The following DOCK1 variants were observed in gnomAD, a reference collection of about 807,000 sequenced individuals.
DOCK1 encodes dedicator of cytokinesis protein 1.
A neutral mutation model predicts 262.7 loss-of-function variants in DOCK1; 138 were observed. That is an observed-to-expected ratio of 0.53 (90% CI 0.46 to 0.61). The LOEUF (loss-of-function observed/expected upper bound fraction) is 0.61. Ranked by LOEUF, DOCK1 falls within the 20% of genes least tolerant of loss-of-function variation. DOCK1 has a pLI of 0.00. For synonymous variants in DOCK1, 866 were observed against 867.4 expected, an observed-to-expected ratio of 1.00 and a Z score of 0.03; for missense variants, 1,908 against 2,370.7, an observed-to-expected ratio of 0.80 and a Z score of 4.05.
chr10:127,242,052 C>T (rs367905662), intron 27 of DOCK1, among the ~76,000 whole-genome samples: 2 of 152,190 alleles, frequency 1.3e-5, no homozygotes, highest in Non-Finnish European at 2.9e-5. Context: ...AATGTCACCA[C>T]GTTCTTGCCT....
At position 126,973,022 on chromosome 10, in the gene DOCK1, C is replaced by T. The variant is rs542795522; in HGVS notation, c.130+2237C>T. Among the ~76,000 whole-genome samples, 5 of 151,872 alleles carry T rather than the reference C, an allele frequency of 3.3e-5. 1 individual carries two copies. Among genetic ancestry groups the T allele is most frequent in the African/African-American group, 1.2e-4 (5 of 41,404 alleles). Reference sequence around the variant, plus strand: ...ATTAAGTAGAGGTTAAGGATCAAACCGCTCATCTCAGACACTTTTCTGATT... The same window carrying T: ...ATTAAGTAGAGGTTAAGGATCAAACTGCTCATCTCAGACACTTTTCTGATT... On this transcript the variant is annotated intron_variant, in intron 2 of 51. Transcript: ENST00000623213.
At chr10:126,945,957 T>G (rs1829544803) in intron 1 of DOCK1, among the ~76,000 whole-genome samples, 1 of 152,202 alleles carries the variant, frequency 6.6e-6, no homozygotes, top group African/African-American at 2.4e-5. Context: ...CGGCATTCAC[T>G]TGCTGATGAA....
At chr10:126,949,191 A>T (rs2035944478) in intron 1 of DOCK1, among the ~76,000 whole-genome samples, 1 of 151,974 alleles carries the variant, frequency 6.6e-6, no homozygotes, top group Non-Finnish European at 1.5e-5. Flanking sequence ...GAAGGTGTTT[A>T]TTGAAGGTGA....
rs1388633989 is a variant in DOCK1, at chr10:126,995,156, C to T, written c.474-1592C>T. Among the ~76,000 whole-genome samples the T allele has an allele frequency of 1.3e-5, 2 of 151,238 alleles. No homozygotes were observed. Among genetic ancestry groups the T allele is most frequent in the Non-Finnish European group, 1.5e-5 (1 of 67,820 alleles). On this transcript the variant is annotated intron_variant, in intron 6 of 51. Coordinates refer to ENST00000623213, the MANE Select transcript of DOCK1 (RefSeq NM_001290223.2). The surrounding 1 kb of genome is among the most constrained non-coding windows in gnomAD (Gnocchi z 5.8). ...GGCAGAGACGCTCCTCACTTCTAGA[C>T]GGGATGACGGCCGGGAAGAGGCGCT...
intron 27 of DOCK1, among the ~76,000 whole-genome samples, chr10:127,207,094 T>A (rs1395445765): frequency 2.0e-5 from 3 of 152,176 alleles, no homozygotes; most frequent in African/African-American, 7.2e-5. Context: ...CAGAAGAAAC[T>A]GAACCTTTAT....
At chr10:127,120,381 T>G (rs2049480408) in intron 25 of DOCK1, among the ~76,000 whole-genome samples, 1 of 152,246 alleles carries the variant, frequency 6.6e-6, no homozygotes, top group African/African-American at 2.4e-5. Flanking sequence ...GAGCCGTGTA[T>G]GTAATTAAAA....
intron 27 of DOCK1, among the ~76,000 whole-genome samples, chr10:127,188,109 C>A (rs2056445699): frequency 6.6e-6 from 1 of 152,100 alleles, no homozygotes; most frequent in Non-Finnish European, 1.5e-5. Context: ...CCATTTTTTT[C>A]TAGAATGAAC....
intron 27 of DOCK1, among the ~76,000 whole-genome samples, chr10:127,229,620 G>A (rs895743644): frequency 1.3e-5 from 2 of 152,004 alleles, no homozygotes; most frequent in Admixed American, 6.6e-5. Context: ...CACATTTTCC[G>A]TATCCATCCA....
chr10:127,423,606 A>G (rs780787890), intron 46 of DOCK1, among the ~76,000 whole-genome samples: 14 of 152,184 alleles, frequency 9.2e-5, no homozygotes, highest in African/African-American at 3.1e-4. Context: ...AAATCCATAC[A>G]GTCTCATATT....
chr10:126,969,889 A>AGGAT lies in DOCK1; in HGVS notation c.47-803_47-800dup, dbSNP rs552544436. Among the ~76,000 whole-genome samples, 120 of 152,338 alleles carry AGGAT rather than the reference A, an allele frequency of 7.9e-4. 1 individual carries two copies. Among genetic ancestry groups the AGGAT allele is most frequent in the Non-Finnish European group, 1.3e-3 (86 of 68,034 alleles). On this transcript the variant is annotated intron_variant, in intron 1 of 51. Coordinates refer to ENST00000623213, the MANE Select transcript of DOCK1 (RefSeq NM_001290223.2). ...ATAGCCTCGCCTGGCTGGGCTGTGCAGGATGGATGGATGAGAGCTTTGATC... is the reference window on the plus strand; with the variant it reads ...ATAGCCTCGCCTGGCTGGGCTGTGCAGGATGGATGGATGGATGAGAGCTTTGATC...
At chr10:126,989,374 T>C (rs2039638745) in intron 5 of DOCK1, among the ~76,000 whole-genome samples, 1 of 152,212 alleles carries the variant, frequency 6.6e-6, no homozygotes, top group South Asian at 2.1e-4. Context: ...TTGCCCAGGC[T>C]AGATTGCAGT....
chr10:126,974,762 A>G (rs1321716570), intron 2 of DOCK1, among the ~76,000 whole-genome samples: 26 of 152,026 alleles, frequency 1.7e-4, no homozygotes, highest in Non-Finnish European at 1.5e-5. Flanking sequence ...TTCTGAGCTC[A>G]TGGAGGACAG....
chr10:126,941,472 G>A (rs1322059505), intron 1 of DOCK1, among the ~76,000 whole-genome samples: 2 of 152,112 alleles, frequency 1.3e-5, no homozygotes, highest in Non-Finnish European at 2.9e-5. Context: ...AACAGCATCT[G>A]TGGGCCGGGC....
intron 6 of DOCK1, among the ~76,000 whole-genome samples, chr10:126,991,040 C>G (rs1200780139): frequency 1.3e-5 from 2 of 152,218 alleles, no homozygotes; most frequent in African/African-American, 4.8e-5. Flanking sequence ...AAGTTTGTCA[C>G]CTGTGTAGGC....
chr10:126,990,593 T>C lies in DOCK1; in HGVS notation c.463T>C (p.Tyr155His). 2 of 1,613,672 alleles carry C rather than the reference T, an allele frequency of 1.2e-6. No homozygotes were observed. Among genetic ancestry groups the C allele is most frequent in the Non-Finnish European group, 1.7e-6 (2 of 1,179,786 alleles). ...GAAGAAGGTCACAGCCAAAATTGATTATGGAAACAGGTTTGTTTATTTGAA... is the reference window on the plus strand; with the variant it reads ...GAAGAAGGTCACAGCCAAAATTGATCATGGAAACAGGTTTGTTTATTTGAA... ...LKKKVTAKID[Y>H]GNRILDLDLV... is the part of the protein sequence containing the mutation. The change falls in exon 6 of 52, where the codon TAT (tyrosine) becomes CAT (histidine). Residue 155 changes from tyrosine to histidine, a missense_variant. Tyr to His is a moderately conservative substitution (Grantham distance 83). Around this residue, in one of 9 missense-constraint regions of DOCK1, gnomAD observed 227 missense variants for 254.1 expected, o/e 0.89. Coordinates refer to ENST00000623213, the MANE Select transcript of DOCK1 (RefSeq NM_001290223.2).
At chr10:127,003,265 C>T (rs1448212899) in intron 10 of DOCK1, among the ~76,000 whole-genome samples, 1 of 151,142 alleles carries the variant, frequency 6.6e-6, no homozygotes, top group Non-Finnish European at 1.5e-5. Flanking sequence ...CCTTTTTGAA[C>T]CTGTATGAAC....
At chr10:127,242,231 C>T (rs2059289594) in intron 27 of DOCK1, among the ~76,000 whole-genome samples, 1 of 152,162 alleles carries the variant, frequency 6.6e-6, no homozygotes, top group Non-Finnish European at 1.5e-5. Flanking sequence ...TAAATAGTTT[C>T]TAATTTGTGA....
intron 29 of DOCK1, among the ~76,000 whole-genome samples, chr10:127,288,037 C>CTTTTAATTA (rs1467436492): frequency 2.0e-5 from 3 of 152,042 alleles, no homozygotes; most frequent in Admixed American, 6.6e-5. Context: ...AGGATAAATG[C>CTTTTAATTA]TTGTCTCTTT....
intron 27 of DOCK1, among the ~76,000 whole-genome samples, chr10:127,210,389 C>T (rs914066307): frequency 2.6e-5 from 4 of 152,142 alleles, no homozygotes; most frequent in East Asian, 3.9e-4. Flanking sequence ...GTAAAGGGAC[C>T]GATGCCTGAG....
Sources: allele counts gnomAD v4.1 joint callset (sites outside exome capture counted in the v4.1 genomes callset), GRCh38; gene constraint gnomAD v4.1.1; regional missense constraint gnomAD v4.1.1; non-coding constraint Gnocchi (gnomAD v3.1); transcripts MANE v1.5; gene names NCBI Gene and HGNC (gene_info 2026-07-23, HGNC 2026-07-21).